The following PPP2CA variants were observed in gnomAD, a reference collection of about 807,000 sequenced individuals.
PPP2CA encodes protein phosphatase 2 catalytic subunit alpha.
PPP2CA carries 5 observed loss-of-function variants against 38.8 expected under a neutral mutation model. The observed-to-expected ratio is 0.13, with a 90% CI of 0.07 to 0.27. The LOEUF is 0.27. Among genes scored for constraint, PPP2CA ranks in the 10% least tolerant of loss-of-function variants. PPP2CA has a pLI of 1.00. For synonymous variants in PPP2CA, 152 were observed against 134.0 expected (o/e 1.13, Z -0.93); for missense variants, 88 against 389.7 (o/e 0.23, Z 6.52).
intron 1 of PPP2CA, chr5:134,225,432 C>A (rs1161876410): frequency 7.9e-6 from 2 of 254,080 alleles, no homozygotes; most frequent in African/African-American, 2.3e-5. Context: ...AGAATCCAAG[C>A]CAGCTCACCC....
intron 1 of PPP2CA, among the ~76,000 whole-genome samples, chr5:134,207,070 G>C (rs1004789156): frequency 6.6e-6 from 1 of 152,196 alleles, no homozygotes; most frequent in African/African-American, 2.4e-5. Flanking sequence ...CAAGGACTGG[G>C]TTCAAAGCAT....
chr5:134,197,850 A>C lies in PPP2CA; in HGVS notation c.858-6T>G. 1 of 1,613,652 alleles carries C rather than the reference A, an allele frequency of 6.2e-7. No individual in the cohort carries two copies. Among genetic ancestry groups the C allele is most frequent in the Non-Finnish European group, 8.5e-7 (1 of 1,179,618 alleles). ...GTGCTGGGTCAAACTGCAAGCTGAAAAACAAGACCGATTCATGGTTTATGT... is the reference window on the plus strand; with the variant it reads ...GTGCTGGGTCAAACTGCAAGCTGAACAACAAGACCGATTCATGGTTTATGT... On this transcript the variant is annotated splice_region_variant and splice_polypyrimidine_tract_variant and intron_variant, in intron 6 of 6. Coordinates refer to ENST00000481195, the MANE Select transcript of PPP2CA (RefSeq NM_002715.4).
intron 1 of PPP2CA, among the ~76,000 whole-genome samples, chr5:134,207,051 C>T (rs1762097961): frequency 6.6e-6 from 1 of 152,162 alleles, no homozygotes; most frequent in Non-Finnish European, 1.5e-5. Flanking sequence ...CCATGACAAC[C>T]ACAGATGACA....
chr5:134,205,823 G>T, intron 2 of PPP2CA, 99 bp downstream of exon 2: 1 of 1,041,598 alleles, frequency 9.6e-7, no homozygotes, highest in Non-Finnish European at 1.4e-6. Flanking sequence ...GTGGAATTTT[G>T]TTTTAACATT....
At chr5:134,201,768 T>C (rs1761971422) in intron 3 of PPP2CA, 80 bp downstream of exon 3, 1 of 1,431,616 alleles carries the variant, frequency 7.0e-7, no homozygotes, top group Non-Finnish European at 9.5e-7. Context: ...GTGTTAAGAG[T>C]GGAAAGAGTC....
intron 2 of PPP2CA, chr5:134,202,429 TGA>T (rs1761987908): frequency 1.5e-5 from 1 of 64,646 alleles, no homozygotes; most frequent in East Asian, 2.7e-4. Flanking sequence ...TGGCAACCAC[TGA>T]TTTACTGTCT....
chr5:134,208,308 C>G (rs1762127237), intron 1 of PPP2CA, among the ~76,000 whole-genome samples: 1 of 152,212 alleles, frequency 6.6e-6, no homozygotes, highest in Non-Finnish European at 1.5e-5. Flanking sequence ...ACAACTGACT[C>G]AAATTTTCTA....
chr5:134,224,477 A>C (rs1231668014), intron 1 of PPP2CA: 1 of 349,776 alleles, frequency 2.9e-6, no homozygotes, highest in African/African-American at 2.1e-5. Flanking sequence ...CATGAACCTA[A>C]TTTTCACATC....
At chr5:134,198,636 G>C (rs892816047) in intron 6 of PPP2CA, among the ~76,000 whole-genome samples, 2 of 152,140 alleles carry the variant, frequency 1.3e-5, no homozygotes, top group African/African-American at 2.4e-5. Context: ...CGCGATCTTG[G>C]CTCACTGCAA....
At chr5:134,225,721 G>A (rs1362108374) in intron 1 of PPP2CA, 39 bp downstream of exon 1, 1 of 1,571,926 alleles carries the variant, frequency 6.4e-7, no homozygotes, top group Non-Finnish European at 8.6e-7. Flanking sequence ...CGGCGGGCTC[G>A]GCCCCGCGGC....
Position 134,225,913 on chromosome 5 carries a change from C to G in PPP2CA, c.-52G>C, listed in dbSNP as rs774122066. On this transcript the variant is annotated 5_prime_UTR_variant, in exon 1 of 7. Coordinates refer to ENST00000481195, the MANE Select transcript of PPP2CA (RefSeq NM_002715.4). ...GCTCCGCGCTGCTCCCGCGCCGCCGCCCGCACACGGGCCTACACGCACACG... is the reference window on the plus strand; with the variant it reads ...GCTCCGCGCTGCTCCCGCGCCGCCGGCCGCACACGGGCCTACACGCACACG... The G allele has an allele frequency of 1.3e-6, 2 of 1,548,776 alleles. No individual in the cohort carries two copies. The highest frequency in any genetic ancestry group is 1.8e-6 in the Non-Finnish European group (2 of 1,135,504).
chr5:134,216,967 G>T (rs1335610449), intron 1 of PPP2CA, among the ~76,000 whole-genome samples: 1 of 152,274 alleles, frequency 6.6e-6, no homozygotes, highest in East Asian at 1.9e-4. Flanking sequence ...CTCCATTTTT[G>T]AAAGTAATTT....
At position 134,198,812 on chromosome 5, in the gene PPP2CA, C is replaced by T. The variant is rs189613380; in HGVS notation, c.857+274G>A. ...AACTCCTGATCTCAGGTGATCCACC[C>T]GAGCCTTCCAAAGTACTGGGATTAC... On this transcript the variant is annotated intron_variant, in intron 6 of 6. Coordinates refer to ENST00000481195, the MANE Select transcript of PPP2CA (RefSeq NM_002715.4). 1.1e-3 allele frequency among the ~76,000 whole-genome samples: 165 copies of T among 152,268 alleles called. 1 individual carries two copies. Among genetic ancestry groups the T allele is most frequent in the African/African-American group, 3.8e-3 (156 of 41,564 alleles).
chr5:134,198,059 T>C lies in PPP2CA; in HGVS notation c.858-215A>G, dbSNP rs534762103. The stretch of plus-strand genomic sequence containing the variant: ...CAGAGACTATGCTTTTATAAAAACA[T>C]GGTTTTTACCTTGACTGAAATTTCA... On this transcript the variant is annotated intron_variant, in intron 6 of 6. Transcript: ENST00000481195. 3.9e-5 allele frequency among the ~76,000 whole-genome samples: 6 copies of C among 152,290 alleles called. No individual in the cohort carries two copies. The South Asian group carries it at 1.2e-3, about 32-fold the overall frequency.
intron 1 of PPP2CA, among the ~76,000 whole-genome samples, chr5:134,223,223 T>A (rs1420784321): frequency 6.6e-6 from 1 of 152,124 alleles, no homozygotes; most frequent in Non-Finnish European, 1.5e-5. Context: ...AGCCCTCAAA[T>A]TTTCAAAATT....
At chr5:134,218,915 C>T (rs1762381115) in intron 1 of PPP2CA, among the ~76,000 whole-genome samples, 1 of 152,128 alleles carries the variant, frequency 6.6e-6, no homozygotes, top group African/African-American at 2.4e-5. Context: ...GTGATCCACC[C>T]ACCTCAGCCT....
In PPP2CA at chr5:134,206,089, G is replaced by A; in HGVS notation, c.145C>T (p.Arg49Ter). The A allele has an allele frequency of 6.2e-7, 1 of 1,614,074 alleles. No individual in the cohort carries two copies. Among genetic ancestry groups the A allele is most frequent in the Non-Finnish European group, 8.5e-7 (1 of 1,179,992 alleles). ...TCTCCACAGACAGTAACTGGACATCGAACCTCTTGCACGTTGGATTCTTTT... is the reference window on the plus strand; with the variant it reads ...TCTCCACAGACAGTAACTGGACATCAAACCTCTTGCACGTTGGATTCTTTT... Reference protein sequence around the residue: ...LTKESNVQEVRCPVTVCGDVH... With the variant: ...LTKESNVQEV The change falls in exon 2 of 7, where the codon CGA becomes TGA. Residue 49 changes from arginine (R) to a stop codon, truncating the protein, a stop_gained. Coordinates refer to ENST00000481195, the MANE Select transcript of PPP2CA (RefSeq NM_002715.4). LOFTEE classifies it high-confidence loss of function.
At chr5:134,224,400 C>T (rs561627674) in intron 1 of PPP2CA, 3 of 409,370 alleles carry the variant, frequency 7.3e-6, no homozygotes, top group Non-Finnish European at 1.4e-5. Flanking sequence ...ATCTGACTTA[C>T]TTAAATTCCA....
intron 5 of PPP2CA, among the ~76,000 whole-genome samples, chr5:134,199,895 T>C (rs1761938515): frequency 1.3e-5 from 2 of 152,356 alleles, no homozygotes; most frequent in Middle Eastern, 3.4e-3. Context: ...CAGTGTGCCA[T>C]GTCAAGAACC....
Sources: gnomAD v4.1 joint callset for allele counts (sites outside exome capture counted in the v4.1 genomes callset) on GRCh38, gnomAD v4.1.1 for gene constraint, MANE v1.5 for transcripts, NCBI Gene and HGNC (gene_info 2026-07-23, HGNC 2026-07-21) for gene names.